The following CSMD1 variants were observed in gnomAD, a reference collection of about 807,000 sequenced individuals.
The protein encoded by CSMD1 is CUB and sushi domain-containing protein 1.
A neutral mutation model predicts 417.5 loss-of-function variants in CSMD1; 213 were observed. The ratio of observed to expected loss-of-function variants is 0.51; its 90% CI spans 0.46 to 0.57. CSMD1 has a LOEUF of 0.57. CSMD1 is among the 20% of genes least tolerant of loss of function. The pLI, the probability that CSMD1 is intolerant of heterozygous loss-of-function variation, is 0.00. For missense variants in CSMD1, 6,923 were observed against 4,529.7 expected, an observed-to-expected ratio of 1.53 and a Z score of -15.17; for synonymous variants, 2,862 against 1,736.8, an observed-to-expected ratio of 1.65 and a Z score of -16.11.
rs532126927 is a variant in CSMD1, at chr8:4,729,243, G to T, written c.86-91685C>A. On this transcript the variant is annotated intron_variant, in intron 1 of 69. Transcript: ENST00000635120. Reference sequence around the variant, plus strand: ...GGGCATTATCACAGAAAATTATGCTGACGAGGAAAGAAAATAAGAATAAAA... The same window carrying T: ...GGGCATTATCACAGAAAATTATGCTTACGAGGAAAGAAAATAAGAATAAAA... Among the ~76,000 whole-genome samples the T allele has an allele frequency of 4.6e-5, 7 of 152,224 alleles. No individual in the cohort carries two copies. The South Asian group carries it at 1.5e-3, about 32-fold the overall frequency.
rs1253590735 is a variant in CSMD1 at position 3,175,563 on chromosome 8, GCCTT to G, written c.5725+5543_5725+5546del. 4.3e-3 allele frequency among the ~76,000 whole-genome samples: 478 copies of G among 110,832 alleles called. 5 individuals carry two copies. The highest frequency in any genetic ancestry group is 0.015 in the African/African-American group (438 of 28,558). 72.7% of individuals were successfully genotyped at this position (110,832 alleles called of 152,430 possible). On this transcript the variant is annotated intron_variant, in intron 37 of 69. Transcript: ENST00000635120. ...TCCCTCCCTCCCTCTCTCCCTCCCT[GCCTT>G]CCTTCCTTCCTTCCTTTTTGTCCTC...
At chr8:4,734,352 T>C (rs1346764187) in intron 1 of CSMD1, among the ~76,000 whole-genome samples, 1 of 152,196 alleles carries the variant, frequency 6.6e-6, no homozygotes, top group Non-Finnish European at 1.5e-5. Context: ...ATTATATAGT[T>C]ATTTAGAGCT....
intron 3 of CSMD1, among the ~76,000 whole-genome samples, chr8:4,046,767 T>A (rs368643406): frequency 6.6e-6 from 1 of 152,176 alleles, no homozygotes; most frequent in Non-Finnish European, 1.5e-5. Flanking sequence ...CACACACATA[T>A]TGTAATTAAT....
intron 1 of CSMD1, among the ~76,000 whole-genome samples, chr8:4,753,404 CACA>C (rs1163021928): frequency 3.9e-5 from 2 of 51,786 alleles, no homozygotes; most frequent in African/African-American, 4.5e-5. Flanking sequence ...CACCATAAAC[CACA>C]CACACACACA....
At chr8:3,600,333 T>C (rs1352390318) in intron 8 of CSMD1, among the ~76,000 whole-genome samples, 2 of 152,118 alleles carry the variant, frequency 1.3e-5, no homozygotes, top group Non-Finnish European at 2.9e-5. Flanking sequence ...GTGGAGTGGG[T>C]GGATTTATTA....
intron 3 of CSMD1, among the ~76,000 whole-genome samples, chr8:4,190,535 CAT>C (rs1418175117): frequency 1.8e-5 from 2 of 113,834 alleles, no homozygotes; most frequent in Admixed American, 2.3e-4. Context: ...TTTACATACA[CAT>C]ATAAGCTTTT....
At chr8:3,940,328 A>C (rs1387777396) in intron 5 of CSMD1, among the ~76,000 whole-genome samples, 1 of 152,112 alleles carries the variant, frequency 6.6e-6, no homozygotes, top group Non-Finnish European at 1.5e-5. Flanking sequence ...ATTTTTCAAA[A>C]TTTGTATTTC....
At chr8:3,178,575 G>A (rs183223668) in intron 37 of CSMD1, among the ~76,000 whole-genome samples, 1 of 152,276 alleles carries the variant, frequency 6.6e-6, no homozygotes, top group Non-Finnish European at 1.5e-5. Flanking sequence ...GTTATTAACA[G>A]TGTGGCTAGG....
At chr8:3,707,348 C>T (rs1235793256) in intron 7 of CSMD1, among the ~76,000 whole-genome samples, 1 of 152,128 alleles carries the variant, frequency 6.6e-6, no homozygotes, top group East Asian at 1.9e-4. Context: ...CCAGCCCTTC[C>T]ACTAATTGCT....
chr8:4,290,641 G>A (rs1277226311), intron 3 of CSMD1, among the ~76,000 whole-genome samples: 2 of 152,222 alleles, frequency 1.3e-5, no homozygotes, highest in African/African-American at 2.4e-5. Flanking sequence ...TTCCTTGTGA[G>A]AAGTATATTC....
At chr8:4,713,464 C>T (rs920634231) in intron 1 of CSMD1, among the ~76,000 whole-genome samples, 5 of 152,074 alleles carry the variant, frequency 3.3e-5, no homozygotes, top group African/African-American at 4.8e-5. Context: ...TGCAGTGGCG[C>T]GATACCGGCT....
chr8:3,852,646 G>C (rs1803994718), intron 5 of CSMD1, among the ~76,000 whole-genome samples: 2 of 150,004 alleles, frequency 1.3e-5, no homozygotes, highest in South Asian at 4.3e-4. Context: ...GTGACCAAGG[G>C]GAAACTGAGG....
At chr8:4,321,108 C>CT (rs1799249878) in intron 3 of CSMD1, among the ~76,000 whole-genome samples, 1 of 152,092 alleles carries the variant, frequency 6.6e-6, no homozygotes. Flanking sequence ...TGTCTAGACT[C>CT]TAGTCTAAAT....
intron 23 of CSMD1, among the ~76,000 whole-genome samples, chr8:3,316,159 C>T (rs1168421539): frequency 1.3e-5 from 2 of 152,174 alleles, no homozygotes; most frequent in East Asian, 1.9e-4. Context: ...TCTTTAAATA[C>T]ATCCAGTTGG....
chr8:3,235,762 T>C (rs1563169556), intron 26 of CSMD1, among the ~76,000 whole-genome samples: 4 of 152,066 alleles, frequency 2.6e-5, no homozygotes. Flanking sequence ...CCTTTTGTAG[T>C]TCTCAACCCA....
intron 1 of CSMD1, among the ~76,000 whole-genome samples, chr8:4,650,298 T>G (rs1013410151): frequency 7.5e-6 from 1 of 132,458 alleles, no homozygotes; most frequent in Non-Finnish European, 1.5e-5. Context: ...TGAGCCTAGA[T>G]GGTGCCACTG....
At chr8:3,680,192 G>C (rs910352047) in intron 7 of CSMD1, among the ~76,000 whole-genome samples, 1 of 152,102 alleles carries the variant, frequency 6.6e-6, no homozygotes, top group Non-Finnish European at 1.5e-5. Flanking sequence ...GATCAGAGCA[G>C]AAATGAAGGA....
At chr8:4,219,538 A>T (rs1800895386) in intron 3 of CSMD1, among the ~76,000 whole-genome samples, 1 of 130,884 alleles carries the variant, frequency 7.6e-6, no homozygotes, top group Non-Finnish European at 1.6e-5. Flanking sequence ...ACGTGACTTA[A>T]ACATTTATGC....
intron 11 of CSMD1, among the ~76,000 whole-genome samples, chr8:3,474,076 T>A (rs1817267556): frequency 6.6e-6 from 1 of 151,990 alleles, no homozygotes; most frequent in African/African-American, 2.4e-5. Context: ...GAGATTACAA[T>A]TAGAGATGAG....
Sources: allele counts gnomAD v4.1 joint callset (sites outside exome capture counted in the v4.1 genomes callset), GRCh38; gene constraint gnomAD v4.1.1; transcripts MANE v1.5; gene names NCBI Gene and HGNC (gene_info 2026-07-23, HGNC 2026-07-21).